KCNIP4: variants seen among roughly 807,000 people sequenced by gnomAD.
KCNIP4 encodes the protein potassium voltage-gated channel interacting protein 4, also known as Kv channel-interacting protein 4.
Under a neutral mutation model 34.0 loss-of-function variants are expected in KCNIP4, and 12 were observed. The observed-to-expected ratio is 0.35, with a 90% CI of 0.23 to 0.57. The LOEUF is 0.57. Ranked by LOEUF, KCNIP4 falls within the 20% of genes least tolerant of loss-of-function variation. The probability of loss-of-function intolerance (pLI) is 0.83; values close to 1 mark genes in which losing one functional copy is unlikely to be tolerated. For missense variants in KCNIP4, 238 were observed against 311.7 expected, an observed-to-expected ratio of 0.76 and a Z score of 1.78; for synonymous variants, 124 against 102.2, an observed-to-expected ratio of 1.21 and a Z score of -1.29.
intron 2 of KCNIP4, among the ~76,000 whole-genome samples, chr4:20,879,597 CTT>C (rs1245473365): frequency 2.6e-5 from 4 of 152,152 alleles, no homozygotes; most frequent in Non-Finnish European, 5.9e-5. Context: ...TGCAGAAAAT[CTT>C]TGTCATATGC....
chr4:21,501,277 C>CACACACA (rs1560464661), intron 1 of KCNIP4, among the ~76,000 whole-genome samples: 1 of 147,152 alleles, frequency 6.8e-6, no homozygotes, highest in African/African-American at 2.6e-5. Context: ...CACACACATG[C>CACACACA]CATGTCCTAA....
chr4:21,577,455 C>A (rs1343696742), intron 1 of KCNIP4, among the ~76,000 whole-genome samples: 1 of 151,964 alleles, frequency 6.6e-6, no homozygotes, highest in East Asian at 1.9e-4. Context: ...TATAGCAAAA[C>A]TCTCTCTCTA....
At chr4:21,830,578 G>A (rs534704636) in intron 1 of KCNIP4, among the ~76,000 whole-genome samples, 2 of 152,208 alleles carry the variant, frequency 1.3e-5, no homozygotes, top group Middle Eastern at 6.8e-3. Context: ...GGAAGCTGTG[G>A]CTGGAGAACC....
chr4:21,442,730 G>C (rs924324806), intron 1 of KCNIP4, among the ~76,000 whole-genome samples: 1 of 152,066 alleles, frequency 6.6e-6, no homozygotes, highest in Non-Finnish European at 1.5e-5. Flanking sequence ...TTCAGCTCAT[G>C]TACCCCATTC....
chr4:21,358,278 C>G (rs553780449), intron 1 of KCNIP4, among the ~76,000 whole-genome samples: 1 of 152,064 alleles, frequency 6.6e-6, no homozygotes, highest in Non-Finnish European at 1.5e-5. Flanking sequence ...TGTAACAAAC[C>G]TGCACATTGT....
chr4:21,457,040 C>T (rs1252195452), intron 1 of KCNIP4, among the ~76,000 whole-genome samples: 1 of 152,012 alleles, frequency 6.6e-6, no homozygotes, highest in African/African-American at 2.4e-5. Context: ...CACATATCCT[C>T]TTCAGTTGTG....
intron 1 of KCNIP4, among the ~76,000 whole-genome samples, chr4:21,822,213 T>C (rs779012466): frequency 1.3e-5 from 2 of 152,202 alleles, no homozygotes; most frequent in African/African-American, 2.4e-5. Flanking sequence ...TCCATTTTCA[T>C]TATGCTTTCA....
At chr4:21,477,574 C>CAA (rs1442894255) in intron 1 of KCNIP4, among the ~76,000 whole-genome samples, 25 of 152,090 alleles carry the variant, frequency 1.6e-4, no homozygotes, top group Admixed American at 1.6e-3. Context: ...TTGCCATGGA[C>CAA]AAAGGTGAAT....
chr4:21,612,706 A>C (rs1311073526), intron 1 of KCNIP4, among the ~76,000 whole-genome samples: 1 of 152,218 alleles, frequency 6.6e-6, no homozygotes, highest in African/African-American at 2.4e-5. Context: ...TGGACACGCA[A>C]AATCAAAGCT....
intron 1 of KCNIP4, among the ~76,000 whole-genome samples, chr4:21,321,447 A>C (rs1714405036): frequency 6.6e-6 from 1 of 152,176 alleles, no homozygotes. Context: ...AATATAGGTA[A>C]TAGAGAAGAC....
intron 1 of KCNIP4, among the ~76,000 whole-genome samples, chr4:21,019,179 G>A (rs896815000): frequency 4.6e-5 from 7 of 151,930 alleles, no homozygotes; most frequent in Non-Finnish European, 7.4e-5. Context: ...TTGTTGAGAC[G>A]GAGTCTTGCT....
At chr4:21,638,379 C>G (rs1746375925) in intron 1 of KCNIP4, among the ~76,000 whole-genome samples, 1 of 152,184 alleles carries the variant, frequency 6.6e-6, no homozygotes, top group African/African-American at 2.4e-5. Context: ...TTTTCTCTGG[C>G]TGCACTTGGT....
At chr4:21,201,393 G>T (rs1756481714) in intron 1 of KCNIP4, among the ~76,000 whole-genome samples, 1 of 152,206 alleles carries the variant, frequency 6.6e-6, no homozygotes, top group Non-Finnish European at 1.5e-5. Flanking sequence ...TTAAATGTCA[G>T]AGAAGAATTC....
rs144250253 is a variant in KCNIP4, at chr4:21,807,907, C to T, written c.61+140664G>A. 1.8e-3 allele frequency among the ~76,000 whole-genome samples: 271 copies of T among 152,058 alleles called. 1 individual carries two copies. Among genetic ancestry groups the T allele is most frequent in the Middle Eastern group, 3.4e-3 (1 of 294 alleles). On this transcript the variant is annotated intron_variant, in intron 1 of 8. Coordinates refer to ENST00000382152, the MANE Select transcript of KCNIP4 (RefSeq NM_025221.6). ...TAAGTAATATATATGTAAAACTTTA[C>T]GTAAAATTTAGGAATAAAACTGGAG...
chr4:21,094,969 A>C (rs1474742257), intron 1 of KCNIP4, among the ~76,000 whole-genome samples: 1 of 152,186 alleles, frequency 6.6e-6, no homozygotes, highest in Non-Finnish European at 1.5e-5. Flanking sequence ...TGCCTTCTCC[A>C]TGGTAGAAAT....
intron 1 of KCNIP4, among the ~76,000 whole-genome samples, chr4:21,021,324 T>G (rs1478848426): frequency 6.6e-6 from 1 of 152,184 alleles, no homozygotes; most frequent in Non-Finnish European, 1.5e-5. Context: ...TCAGTGAATA[T>G]TACTTTATAA....
intron 1 of KCNIP4, among the ~76,000 whole-genome samples, chr4:21,580,108 C>T (rs1410634379): frequency 6.6e-6 from 1 of 152,020 alleles, no homozygotes; most frequent in Non-Finnish European, 1.5e-5. Context: ...TTTTACTAGC[C>T]ATATCTATGA....
chr4:21,775,731 G>C (rs1021887596), intron 1 of KCNIP4, among the ~76,000 whole-genome samples: 3 of 152,208 alleles, frequency 2.0e-5, no homozygotes, highest in Admixed American at 2.0e-4. Flanking sequence ...TGCCTGAAGA[G>C]GCACTCTGGC....
chr4:20,860,612 CTG>C (rs1722094687), intron 2 of KCNIP4, among the ~76,000 whole-genome samples: 1 of 152,202 alleles, frequency 6.6e-6, no homozygotes, highest in Non-Finnish European at 1.5e-5. Context: ...AAAATACCCT[CTG>C]AGCCATTACT....
Sources: allele counts gnomAD v4.1 joint callset (sites outside exome capture counted in the v4.1 genomes callset), GRCh38; gene constraint gnomAD v4.1.1; transcripts MANE v1.5; gene names NCBI Gene and HGNC (gene_info 2026-07-23, HGNC 2026-07-21).